The following TRABD2B variants were observed in gnomAD, a reference collection of about 807,000 sequenced individuals.
TRABD2B encodes the protein metalloprotease TIKI2.
In TRABD2B, 14 loss-of-function variants were observed where a neutral mutation model predicts 40.1. The ratio of observed to expected loss-of-function variants is 0.35; its 90% CI spans 0.23 to 0.55. The LOEUF (loss-of-function observed/expected upper bound fraction) is 0.55, where lower values mean the gene tolerates loss of function less well. TRABD2B is among the 20% of genes least tolerant of loss of function. TRABD2B has a pLI of 0.90. For missense variants in TRABD2B, 541 were observed against 648.6 expected, an observed-to-expected ratio of 0.83 and a Z score of 1.80; for synonymous variants, 263 against 277.0, an observed-to-expected ratio of 0.95 and a Z score of 0.50.
chr1:47,797,514 T>A (rs1644764255), intron 3 of TRABD2B, among the ~76,000 whole-genome samples: 1 of 152,120 alleles, frequency 6.6e-6, no homozygotes, highest in African/African-American at 2.4e-5. Context: ...TGACCACAAA[T>A]GTGCATGTAC....
intron 2 of TRABD2B, among the ~76,000 whole-genome samples, chr1:47,873,150 C>T (rs780252467): frequency 1.2e-4 from 19 of 152,118 alleles, no homozygotes; most frequent in South Asian, 6.2e-4. Context: ...TTAATCCTAT[C>T]GTGAGGGCAG....
intron 2 of TRABD2B, among the ~76,000 whole-genome samples, chr1:47,937,355 C>T (rs572768077): frequency 6.6e-6 from 1 of 151,970 alleles, no homozygotes; most frequent in South Asian, 2.1e-4. Context: ...TCATCACCAC[C>T]ACCGTCATGA....
intron 2 of TRABD2B, among the ~76,000 whole-genome samples, chr1:47,953,568 G>A (rs1645376599): frequency 6.6e-6 from 1 of 152,118 alleles, no homozygotes; most frequent in African/African-American, 2.4e-5. Context: ...GGCAGTTGGG[G>A]TGGCCATACA....
chr1:47,796,100 T>C (rs990982778), intron 3 of TRABD2B, among the ~76,000 whole-genome samples: 5 of 152,206 alleles, frequency 3.3e-5, no homozygotes, highest in Non-Finnish European at 5.9e-5. Flanking sequence ...CCCCACTGTG[T>C]TCTTCTATTC....
intron 2 of TRABD2B, among the ~76,000 whole-genome samples, chr1:47,843,249 C>T (rs1166940621): frequency 6.6e-6 from 1 of 152,184 alleles, no homozygotes; most frequent in Non-Finnish European, 1.5e-5. Flanking sequence ...AAGGCTCCCT[C>T]TGCCTGTAGA....
At chr1:47,847,982 G>A (rs977339421) in intron 2 of TRABD2B, among the ~76,000 whole-genome samples, 1 of 152,116 alleles carries the variant, frequency 6.6e-6, no homozygotes, top group Non-Finnish European at 1.5e-5. Flanking sequence ...AGCTACCTGA[G>A]AGCCCTGAGC....
chr1:47,817,330 C>A (rs1288284939), intron 2 of TRABD2B, among the ~76,000 whole-genome samples: 1 of 152,012 alleles, frequency 6.6e-6, no homozygotes, highest in African/African-American at 2.4e-5. Flanking sequence ...CCAGAGCACT[C>A]CCATCTGGGT....
chr1:47,953,472 A>G (rs2148388541), intron 2 of TRABD2B, among the ~76,000 whole-genome samples: 1 of 152,264 alleles, frequency 6.6e-6, no homozygotes, highest in South Asian at 2.1e-4. Flanking sequence ...GGACACAGGA[A>G]GCTCCCCACC....
At chr1:47,874,733 AAT>A (rs544355935) in intron 2 of TRABD2B, among the ~76,000 whole-genome samples, 164 of 146,886 alleles carry the variant, frequency 1.1e-3, no homozygotes, top group Non-Finnish European at 1.1e-3. Context: ...AGGCCTGGCT[AAT>A]ATATATATAT....
At chr1:47,855,379 G>A (rs2124535471) in intron 2 of TRABD2B, among the ~76,000 whole-genome samples, 1 of 152,334 alleles carries the variant, frequency 6.6e-6, no homozygotes, top group South Asian at 2.1e-4. Flanking sequence ...TTCTGAGGCT[G>A]GAGTGTATCC....
intron 2 of TRABD2B, among the ~76,000 whole-genome samples, chr1:47,826,732 C>T (rs1019360690): frequency 1.2e-4 from 19 of 152,144 alleles, no homozygotes; most frequent in African/African-American, 1.9e-4. Context: ...TGCCATCATG[C>T]CTGGCTAATT....
chr1:47,992,125 G>C (rs769951174), intron 2 of TRABD2B, among the ~76,000 whole-genome samples: 2 of 152,190 alleles, frequency 1.3e-5, no homozygotes, highest in Non-Finnish European at 2.9e-5. Flanking sequence ...GCTTTCTGCA[G>C]CTCTTTTGAG....
At chr1:47,801,659 G>C in intron 2 of TRABD2B, 40 bp from the exon 3 acceptor site, 1 of 1,529,402 alleles carries the variant, frequency 6.5e-7, no homozygotes, top group East Asian at 2.5e-5. Flanking sequence ...GCTGTGCTCA[G>C]GGACCCTGGC....
chr1:47,932,730 A>T (rs1645055565), intron 2 of TRABD2B, among the ~76,000 whole-genome samples: 1 of 152,234 alleles, frequency 6.6e-6, no homozygotes, highest in Non-Finnish European at 1.5e-5. Flanking sequence ...GAGAAGCCAC[A>T]GGTAACAGTC....
chr1:47,902,176 G>A (rs1357661087), intron 2 of TRABD2B, among the ~76,000 whole-genome samples: 3 of 152,176 alleles, frequency 2.0e-5, no homozygotes, highest in Non-Finnish European at 4.4e-5. Flanking sequence ...CATGGGACAC[G>A]TGATGTGCTC....
intron 2 of TRABD2B, among the ~76,000 whole-genome samples, chr1:47,943,475 T>G (rs1369061693): frequency 4.6e-5 from 7 of 152,176 alleles, no homozygotes; most frequent in Non-Finnish European, 1.0e-4. Flanking sequence ...TACACCCTAA[T>G]GCAAGACCTT....
intron 2 of TRABD2B, among the ~76,000 whole-genome samples, chr1:47,899,124 C>T (rs1644564036): frequency 6.6e-6 from 1 of 152,246 alleles, no homozygotes; most frequent in Admixed American, 6.5e-5. Flanking sequence ...CTTTCTGTCT[C>T]TGCATTTGTC....
intron 4 of TRABD2B, among the ~76,000 whole-genome samples, chr1:47,793,387 G>T (rs767829052): frequency 1.3e-5 from 2 of 152,240 alleles, no homozygotes. Flanking sequence ...ACTACGTGAG[G>T]GCTGCAAAGG....
intron 2 of TRABD2B, among the ~76,000 whole-genome samples, chr1:47,880,501 A>G (rs1045993523): frequency 3.9e-5 from 6 of 152,214 alleles, no homozygotes; most frequent in African/African-American, 1.2e-4. Context: ...GTGTGTGGTC[A>G]TATTGTGACA....
Sources: gnomAD v4.1 joint callset for allele counts (sites outside exome capture counted in the v4.1 genomes callset) on GRCh38, gnomAD v4.1.1 for gene constraint, MANE v1.5 for transcripts, NCBI Gene and HGNC (gene_info 2026-07-23, HGNC 2026-07-21) for gene names.